The following ATP6V0D1 variants were observed in gnomAD, a reference collection of about 807,000 sequenced individuals.
ATP6V0D1 encodes ATPase H+ transporting V0 subunit d1, also known as V-type proton ATPase subunit d 1.
ATP6V0D1 carries 13 observed loss-of-function variants against 39.0 expected under a neutral mutation model. The observed-to-expected ratio is 0.33, with a 90% CI of 0.22 to 0.53. The LOEUF (loss-of-function observed/expected upper bound fraction) is 0.53, where lower values mean the gene tolerates loss of function less well. Among genes scored for constraint, ATP6V0D1 ranks in the 20% least tolerant of loss-of-function variants. The pLI is 0.94. For synonymous variants in ATP6V0D1, 191 were observed against 191.2 expected, an observed-to-expected ratio of 1.00 and a Z score of 0.01; for missense variants, 272 against 470.9, an observed-to-expected ratio of 0.58 and a Z score of 3.91.
chr16:67,453,767 G>T lies in ATP6V0D1; in HGVS notation c.131-52C>A. On this transcript the variant is annotated intron_variant, in intron 1 of 7. Transcript: ENST00000290949. This position sits in a 1 kb window ranked among gnomAD's most constrained non-coding sequence, Gnocchi z 4.1. ...GCTAGCCTTGCTGGGCCTCCCCAAG[G>T]GTCCCAAGTCCCCATCCCCACCCCA... 1 of 1,583,566 alleles carries T rather than the reference G, an allele frequency of 6.3e-7. No homozygotes were observed.
intron 1 of ATP6V0D1, among the ~76,000 whole-genome samples, chr16:67,472,152 C>A (rs959544791): frequency 1.3e-5 from 2 of 152,156 alleles, no homozygotes. Context: ...ACAGGTGCAG[C>A]AGGCTGCCAG....
chr16:67,478,439 CCTCT>C (rs751095081), intron 1 of ATP6V0D1, among the ~76,000 whole-genome samples: 1 of 151,890 alleles, frequency 6.6e-6, no homozygotes, highest in Non-Finnish European at 1.5e-5. Flanking sequence ...ATGGCAAAAT[CCTCT>C]CTACTAAAAA....
chr16:67,460,496 A>C lies in ATP6V0D1; in HGVS notation c.131-6781T>G, dbSNP rs79436995. On this transcript the variant is annotated intron_variant, in intron 1 of 7. Coordinates refer to ENST00000290949, the MANE Select transcript of ATP6V0D1 (RefSeq NM_004691.5). ...TCTCAGTGTGGGAGCCACAGCATAG[A>C]AACCATTAACCCTGGGTTTACCTGG... 6.4e-3 allele frequency among the ~76,000 whole-genome samples: 969 copies of C among 152,230 alleles called. 5 individuals carry two copies. Among genetic ancestry groups the C allele is most frequent in the Non-Finnish European group, 0.011 (743 of 67,990 alleles).
chr16:67,438,851 T>G lies in ATP6V0D1; in HGVS notation c.836A>C (p.Glu279Ala), dbSNP rs1204082707. 1 of 1,571,914 alleles carries G rather than the reference T, an allele frequency of 6.4e-7. No homozygotes were observed. Among genetic ancestry groups the G allele is most frequent in the East Asian group, 2.4e-5 (1 of 40,982 alleles). Reference protein sequence around the residue: ...DYYPEYKLLFEGAGSNPGDKT... With the variant: ...DYYPEYKLLFAGAGSNPGDKT... Reference sequence around the variant, plus strand: ...GTCTCCAGGGTTGCTACCTGCACCCTCGAAGAGCAGCTTGTACTCCTGGCC... The same window carrying G: ...GTCTCCAGGGTTGCTACCTGCACCCGCGAAGAGCAGCTTGTACTCCTGGCC... The change falls in exon 7 of 8, where the codon GAG (glutamate) becomes GCG (alanine). Residue 279 changes from glutamate to alanine, a missense_variant. By Grantham distance (107) the Glu-to-Ala change is moderately radical (BLOSUM62 -1). Coordinates refer to ENST00000290949, the MANE Select transcript of ATP6V0D1 (RefSeq NM_004691.5).
intron 1 of ATP6V0D1, among the ~76,000 whole-genome samples, chr16:67,463,712 G>A (rs2041307331): frequency 6.6e-6 from 1 of 152,282 alleles, no homozygotes; most frequent in Admixed American, 6.5e-5. Context: ...GAAGATGGCA[G>A]AAGCAGTAAC....
intron 2 of ATP6V0D1, among the ~76,000 whole-genome samples, chr16:67,448,820 C>G (rs544720692): frequency 1.3e-5 from 2 of 152,266 alleles, no homozygotes; most frequent in African/African-American, 4.8e-5. Context: ...ATGCTTGACC[C>G]CAGGAGAAGA....
At chr16:67,445,892 C>T (rs751205648) in intron 2 of ATP6V0D1, 3 of 455,312 alleles carry the variant, frequency 6.6e-6, no homozygotes, top group African/African-American at 2.0e-5. Flanking sequence ...CAGTCTGTCA[C>T]CAAAGATGAA....
At chr16:67,472,587 G>T (rs377619198) in intron 1 of ATP6V0D1, among the ~76,000 whole-genome samples, 2 of 152,336 alleles carry the variant, frequency 1.3e-5, no homozygotes, top group South Asian at 2.1e-4. Flanking sequence ...TTTCCAGGCG[G>T]CTGGGCGCGG....
chr16:67,443,641 G>A (rs534022269), intron 3 of ATP6V0D1, among the ~76,000 whole-genome samples: 28 of 152,282 alleles, frequency 1.8e-4, no homozygotes, highest in African/African-American at 4.8e-4. Flanking sequence ...ACAGACCAGC[G>A]ACCCAGGGGG....
chr16:67,459,151 G>A, intron 1 of ATP6V0D1: 1 of 985,478 alleles, frequency 1.0e-6, no homozygotes, highest in Non-Finnish European at 1.2e-6. Context: ...TGACCTTCCT[G>A]TGATCTCTGC....
chr16:67,445,226 C>T (rs1259211618), intron 2 of ATP6V0D1, among the ~76,000 whole-genome samples: 1 of 152,144 alleles, frequency 6.6e-6, no homozygotes, highest in South Asian at 2.1e-4. Context: ...AAAGGCGCAG[C>T]AGCCGGCAGC....
intron 1 of ATP6V0D1, among the ~76,000 whole-genome samples, chr16:67,463,568 A>C (rs775261565): frequency 1.2e-4 from 19 of 152,044 alleles, no homozygotes; most frequent in Non-Finnish European, 1.8e-4. Flanking sequence ...GGAGGGAGGA[A>C]GAAGGGGAAA....
intron 1 of ATP6V0D1, among the ~76,000 whole-genome samples, chr16:67,471,641 C>A (rs1227041803): frequency 6.6e-6 from 1 of 152,046 alleles, no homozygotes; most frequent in Non-Finnish European, 1.5e-5. Flanking sequence ...CATCCCCTCC[C>A]TCAGAGCAAG....
intron 4 of ATP6V0D1, among the ~76,000 whole-genome samples, chr16:67,442,696 C>T (rs1056582604): frequency 2.0e-5 from 3 of 152,120 alleles, no homozygotes; most frequent in Admixed American, 6.5e-5. Context: ...TCCCTCCCCC[C>T]ACCATAAGTG....
intron 1 of ATP6V0D1, 67 bp downstream of exon 1, chr16:67,480,890 G>A: frequency 7.6e-6 from 12 of 1,573,346 alleles, no homozygotes; most frequent in Non-Finnish European, 1.0e-5. Context: ...CCGGCTTCCC[G>A]GCCTACACCT....
At chr16:67,450,098 A>G (rs1597572896) in intron 2 of ATP6V0D1, among the ~76,000 whole-genome samples, 1 of 152,080 alleles carries the variant, frequency 6.6e-6, no homozygotes. Flanking sequence ...AGGTCTTCAC[A>G]CCCAGGACAG....
intron 2 of ATP6V0D1, chr16:67,452,280 G>A (rs1597574234): frequency 1.3e-6 from 2 of 1,535,682 alleles, no homozygotes; most frequent in East Asian, 2.4e-5. Context: ...CAGGAAAGGA[G>A]GCCTGTGGCC....
chr16:67,448,689 G>C (rs2142307441), intron 2 of ATP6V0D1, among the ~76,000 whole-genome samples: 1 of 151,416 alleles, frequency 6.6e-6, no homozygotes, highest in African/African-American at 2.4e-5. Context: ...GCATATGAGT[G>C]AGGTGTGGCT....
At chr16:67,466,788 C>T (rs931858699) in intron 1 of ATP6V0D1, among the ~76,000 whole-genome samples, 2 of 152,066 alleles carry the variant, frequency 1.3e-5, no homozygotes, top group East Asian at 3.9e-4. Flanking sequence ...CAGAGTGAGG[C>T]CCTGTCTCAA....
Sources: allele counts gnomAD v4.1 joint callset (sites outside exome capture counted in the v4.1 genomes callset), GRCh38; gene constraint gnomAD v4.1.1; non-coding constraint Gnocchi (gnomAD v3.1); transcripts MANE v1.5; gene names NCBI Gene and HGNC (gene_info 2026-07-23, HGNC 2026-07-21).